Variants in KNL1 observed in about 807,000 individuals in gnomAD.
KNL1 encodes kinetochore scaffold 1.
A neutral mutation model predicts 201.3 loss-of-function variants in KNL1; 66 were observed. That is an observed-to-expected ratio of 0.33 (90% CI 0.27 to 0.40). KNL1 has a LOEUF of 0.40. Among genes scored for constraint, KNL1 ranks in the 10% least tolerant of loss-of-function variants. KNL1 has a pLI of 1.00. For missense variants in KNL1, 2,815 were observed against 2,690.5 expected (o/e 1.05, Z -1.02); for synonymous variants, 895 against 899.2 (o/e 1.00, Z 0.08).
intron 14 of KNL1, among the ~76,000 whole-genome samples, chr15:40,644,282 T>C (rs1893321260): frequency 6.6e-6 from 1 of 152,250 alleles, no homozygotes; most frequent in Non-Finnish European, 1.5e-5. Flanking sequence ...GCCAGATTTA[T>C]GTTTCTCTCC....
rs1373550547 is a variant in KNL1 at position 40,651,517 on chromosome 15, A to G, written c.6259A>G (p.Ile2087Val). ...EVQKEQTLAQIDFMQKQRNRT... is the reference protein window; with the variant it reads ...EVQKEQTLAQVDFMQKQRNRT... ...ACAAAAAGAGCAGACCCTTGCTCAA[A>G]TAGACTTTATGCAAAAACAAAGAAA... The change falls in exon 20 of 26, where the codon ATA becomes GTA. Residue 2087 changes from isoleucine (I) to valine (V), a missense_variant. Around this residue, in one of 3 missense-constraint regions of KNL1, gnomAD observed 334 missense variants for 362.6 expected, o/e 0.92. Transcript: ENST00000399668. 1.9e-6 allele frequency: 3 copies of G among 1,610,542 alleles called. No individual in the cohort carries two copies. The South Asian group carries it at 3.3e-5, about 18-fold the overall frequency.
intron 14 of KNL1, among the ~76,000 whole-genome samples, chr15:40,641,841 T>C (rs1893238368): frequency 6.6e-6 from 1 of 152,250 alleles, no homozygotes; most frequent in Non-Finnish European, 1.5e-5. Flanking sequence ...CTTGTTTACA[T>C]ATATAAAAGA....
In KNL1 at chr15:40,623,669, C is replaced by T. The variant is rs142853192; in HGVS notation, c.3405C>T (p.Ala1135=). ...AGATCACTAGGAGTCACACAACTGC[C>T]TTAGAATGTAAAACTCTCCTGCCAA... ...DMEITRSHTT[A]LECKTLLPNE... Residue 1135 remains alanine, a synonymous_variant, in exon 10 of 26, where the codon GCC becomes GCT. Transcript: ENST00000399668. 868 of 1,613,818 alleles carry T rather than the reference C, an allele frequency of 5.4e-4. 6 individuals carry two copies. In the East Asian group the frequency reaches 0.018, roughly 33 times the overall value.
intron 23 of KNL1, 91 bp downstream of exon 23, chr15:40,657,242 T>G (rs1021460751): frequency 2.9e-6 from 3 of 1,023,346 alleles, no homozygotes; most frequent in African/African-American, 3.2e-5. Flanking sequence ...TAGTGGATCC[T>G]GAAATGATAA....
intron 4 of KNL1, among the ~76,000 whole-genome samples, chr15:40,608,613 C>T (rs531807888): frequency 5.8e-4 from 88 of 151,816 alleles, no homozygotes; most frequent in African/African-American, 2.1e-3. Flanking sequence ...GTCGTGGTGA[C>T]GTATGCCTGT....
intron 1 of KNL1, among the ~76,000 whole-genome samples, chr15:40,597,129 A>G (rs1209534095): frequency 1.3e-5 from 2 of 152,140 alleles, no homozygotes; most frequent in East Asian, 3.9e-4. Flanking sequence ...TTCACACAGT[A>G]CCTGACAGGT....
intron 13 of KNL1, among the ~76,000 whole-genome samples, chr15:40,637,573 G>A (rs1342363047): frequency 6.6e-6 from 1 of 152,126 alleles, no homozygotes; most frequent in East Asian, 1.9e-4. Context: ...ACCACAAATG[G>A]AAAATTTCAC....
At chr15:40,648,829 C>CTT (rs35251316) in intron 17 of KNL1, among the ~76,000 whole-genome samples, 8 of 103,270 alleles carry the variant, frequency 7.7e-5, no homozygotes, top group African/African-American at 1.8e-4. Context: ...ACTTAACTTT[C>CTT]TTTTTTTTTT....
At chr15:40,602,884 C>T (rs1391086527) in intron 1 of KNL1, 31 bp from the exon 2 acceptor site, 1 of 1,228,030 alleles carries the variant, frequency 8.1e-7, no homozygotes, top group Non-Finnish European at 1.2e-6. Flanking sequence ...CCTTTTTCCT[C>T]ATGTTTTCTA....
Position 40,641,016 on chromosome 15 carries a change from A to G in KNL1, c.5787A>G (p.Gln1929=). The change falls in exon 14 of 26, where the codon CAA becomes CAG. Residue 1929 remains glutamine (Q), a synonymous_variant. Coordinates refer to ENST00000399668, the MANE Select transcript of KNL1 (RefSeq NM_144508.5). ...GAGAAGATTGTGAGGCTCGTCGCCA[A>G]AAGATTGAAGAGTATGAAAGCTTTA... ...IYREDCEARR[Q]KIEELKLSAS... 1 of 1,605,794 alleles carries G rather than the reference A, an allele frequency of 6.2e-7. No individual in the cohort carries two copies. Among genetic ancestry groups the G allele is most frequent in the Non-Finnish European group, 8.5e-7 (1 of 1,173,746 alleles).
At chr15:40,635,050 AT>A (rs35448029) in intron 13 of KNL1, among the ~76,000 whole-genome samples, 54,960 of 142,298 alleles carry the variant, frequency 0.39, 10,222 homozygotes, top group Middle Eastern at 0.47. Context: ...CTGTTTCAGG[AT>A]TTTTTTTTTT....
intron 7 of KNL1, among the ~76,000 whole-genome samples, chr15:40,612,212 A>T (rs1197644176): frequency 2.0e-5 from 3 of 152,114 alleles, no homozygotes; most frequent in African/African-American, 7.2e-5. Context: ...GCTACTCAGG[A>T]GGTTGAGGTA....
chr15:40,612,100 G>A (rs557540945), intron 7 of KNL1, among the ~76,000 whole-genome samples: 9 of 152,112 alleles, frequency 5.9e-5, no homozygotes, highest in Admixed American at 1.3e-4. Context: ...GGTAGATCAC[G>A]AGGTCAGGAG....
At chr15:40,655,787 G>T (rs1253558060) in intron 22 of KNL1, among the ~76,000 whole-genome samples, 2 of 151,342 alleles carry the variant, frequency 1.3e-5, no homozygotes, top group African/African-American at 4.9e-5. Context: ...GTGGTGGCTG[G>T]CGCCTGTAGT....
chr15:40,622,752 G>A lies in KNL1; in HGVS notation c.2488G>A (p.Asp830Asn), dbSNP rs779053167. The A allele has an allele frequency of 1.4e-5, 23 of 1,607,536 alleles. No homozygotes were observed. Among genetic ancestry groups the A allele is most frequent in the Non-Finnish European group, 1.9e-5 (22 of 1,177,592 alleles). ...TAACTGTATTATGGATGTGTTAGAG[G>A]ACGAAAGTGTACAGAAACCTAAATT... is the stretch of plus-strand genomic sequence containing the variant. Reference protein sequence around the residue: ...KSNCIMDVLEDESVQKPKFPK... With the variant: ...KSNCIMDVLENESVQKPKFPK... Residue 830 changes from aspartate (D) to asparagine (N), a missense_variant, in exon 10 of 26, where the codon GAC becomes AAC. Coordinates refer to ENST00000399668, the MANE Select transcript of KNL1 (RefSeq NM_144508.5).
chr15:40,620,357 C>T (rs1335650168), intron 9 of KNL1, among the ~76,000 whole-genome samples: 1 of 152,166 alleles, frequency 6.6e-6, no homozygotes, highest in Non-Finnish European at 1.5e-5. Flanking sequence ...AGGTGCCCGC[C>T]ACCATGCCTG....
At chr15:40,647,418 G>C (rs1319978601) in intron 17 of KNL1, among the ~76,000 whole-genome samples, 1 of 152,024 alleles carries the variant, frequency 6.6e-6, no homozygotes, top group African/African-American at 2.4e-5. Context: ...AGGTTGCAGT[G>C]AGCCAAGATT....
chr15:40,638,499 C>CT (rs894525153), intron 13 of KNL1, among the ~76,000 whole-genome samples: 42 of 148,890 alleles, frequency 2.8e-4, no homozygotes, highest in Middle Eastern at 6.9e-3. Flanking sequence ...TCTTTTCTTT[C>CT]TTTTTTTTTT....
chr15:40,656,742 C>T (rs1036369437), intron 22 of KNL1, among the ~76,000 whole-genome samples: 2 of 150,776 alleles, frequency 1.3e-5, no homozygotes, highest in South Asian at 2.1e-4. Context: ...AAAAAGTAGC[C>T]GGGTATGGTG....
Sources: allele counts gnomAD v4.1 joint callset (sites outside exome capture counted in the v4.1 genomes callset), GRCh38; gene constraint gnomAD v4.1.1; regional missense constraint gnomAD v4.1.1; transcripts MANE v1.5; gene names NCBI Gene and HGNC (gene_info 2026-07-23, HGNC 2026-07-21).